Variants in CTNNA2 observed in about 807,000 individuals in gnomAD.
CTNNA2 encodes catenin alpha 2.
Under a neutral mutation model 101.0 loss-of-function variants are expected in CTNNA2, and 42 were observed. The observed-to-expected ratio is 0.42, with a 90% CI of 0.32 to 0.54. The LOEUF is 0.54. CTNNA2 is among the 20% of genes least tolerant of loss of function. CTNNA2 has a pLI of 0.14. For missense variants in CTNNA2, 871 were observed against 1,223.1 expected (o/e 0.71, Z 4.29); for synonymous variants, 450 against 456.4 (o/e 0.99, Z 0.18).
Position 79,815,373 on chromosome 2 carries a change from A to G in CTNNA2, c.299-42640A>G, listed in dbSNP as rs759046254. Among the ~76,000 whole-genome samples, 7 of 152,272 alleles carry G rather than the reference A, an allele frequency of 4.6e-5. No homozygotes were observed. The East Asian group carries it at 7.7e-4, about 17-fold the overall frequency. On this transcript the variant is annotated intron_variant, in intron 3 of 18. Transcript: ENST00000402739. ...GCCAATGTCTAGGAGGGTTTTTTCAATGTTATCATTGAGAATTTTTATAGT... is the reference window on the plus strand; with the variant it reads ...GCCAATGTCTAGGAGGGTTTTTTCAGTGTTATCATTGAGAATTTTTATAGT...
chr2:79,741,737 G>T (rs1410696495), intron 2 of CTNNA2, among the ~76,000 whole-genome samples: 2 of 151,996 alleles, frequency 1.3e-5, no homozygotes, highest in Non-Finnish European at 2.9e-5. Flanking sequence ...AGTTGGACTT[G>T]TTTGTCTTTC....
intron 3 of CTNNA2, among the ~76,000 whole-genome samples, chr2:79,811,308 T>C (rs1677015307): frequency 6.6e-6 from 1 of 152,216 alleles, no homozygotes; most frequent in Non-Finnish European, 1.5e-5. Flanking sequence ...ATGTGTCTTT[T>C]GGCTGCATAA....
At chr2:79,620,153 T>C (rs1678902530) in intron 1 of CTNNA2, among the ~76,000 whole-genome samples, 2 of 152,306 alleles carry the variant, frequency 1.3e-5, no homozygotes, top group South Asian at 4.1e-4. Flanking sequence ...TAACATTCTT[T>C]AGTTGCTGCC....
intron 2 of CTNNA2, among the ~76,000 whole-genome samples, chr2:79,217,993 C>T (rs1164209021): frequency 6.6e-6 from 1 of 152,164 alleles, no homozygotes; most frequent in Non-Finnish European, 1.5e-5. Context: ...GAATGAACAT[C>T]TACATAATAA....
Position 80,302,559 on chromosome 2 carries a change from T to C in CTNNA2, c.1057-90652T>C. ...ACCACCTTGTGGATCTGCACGGCGT[T>C]CTCGGCGTGCTCGCCGCCTGGAAGA... is the stretch of plus-strand genomic sequence containing the variant. On this transcript the variant is annotated intron_variant, in intron 7 of 18. Coordinates refer to ENST00000402739, the MANE Select transcript of CTNNA2 (RefSeq NM_001282597.3). The surrounding 1 kb of genome is among the most constrained non-coding windows in gnomAD (Gnocchi z 6.4). 1 of 1,608,750 alleles carries C rather than the reference T, an allele frequency of 6.2e-7. No individual in the cohort carries two copies. Among genetic ancestry groups the C allele is most frequent in the Non-Finnish European group, 8.5e-7 (1 of 1,179,402 alleles).
chr2:80,440,442 T>C (rs1272371027), intron 9 of CTNNA2, among the ~76,000 whole-genome samples: 1 of 152,150 alleles, frequency 6.6e-6, no homozygotes, highest in Non-Finnish European at 1.5e-5. Context: ...AATAAGTAAA[T>C]GGTGTTTCTG....
At chr2:80,616,832 G>A (rs1184043513) in intron 17 of CTNNA2, among the ~76,000 whole-genome samples, 2 of 151,584 alleles carry the variant, frequency 1.3e-5, no homozygotes, top group African/African-American at 4.8e-5. Flanking sequence ...ATATATAAAG[G>A]CATTATTATA....
intron 1 of CTNNA2, among the ~76,000 whole-genome samples, chr2:79,521,853 C>G (rs564755932): frequency 1.6e-4 from 24 of 152,174 alleles, no homozygotes; most frequent in African/African-American, 5.8e-4. Flanking sequence ...TAGCCCACAG[C>G]ATGAACTGGA....
intron 7 of CTNNA2, among the ~76,000 whole-genome samples, chr2:80,081,515 C>A (rs1699145285): frequency 6.7e-6 from 1 of 149,676 alleles, no homozygotes; most frequent in African/African-American, 2.5e-5. Context: ...TCCCTCCCTC[C>A]CTTTCTGTCT....
intron 4 of CTNNA2, among the ~76,000 whole-genome samples, chr2:79,469,728 T>C (rs1670978147): frequency 6.6e-6 from 1 of 152,020 alleles, no homozygotes; most frequent in South Asian, 2.1e-4. Flanking sequence ...GTTCAACATA[T>C]GCAAATCAAT....
At chr2:79,546,017 C>A (rs1057287766) in intron 1 of CTNNA2, among the ~76,000 whole-genome samples, 1 of 152,030 alleles carries the variant, frequency 6.6e-6, no homozygotes, top group Non-Finnish European at 1.5e-5. Context: ...AGTACCATAC[C>A]CAAGATTGCC....
chr2:79,731,856 C>A (rs1482078281), intron 2 of CTNNA2, among the ~76,000 whole-genome samples: 1 of 150,142 alleles, frequency 6.7e-6, no homozygotes, highest in Non-Finnish European at 1.5e-5. Context: ...TTTTTACCAT[C>A]AAATGCAGTT....
chr2:79,784,393 A>G (rs1674682897), intron 3 of CTNNA2, among the ~76,000 whole-genome samples: 1 of 151,504 alleles, frequency 6.6e-6, no homozygotes, highest in Non-Finnish European at 1.5e-5. Flanking sequence ...TCATGATTTT[A>G]TGTAGCAGCT....
chr2:79,697,849 G>C (rs1684741579), intron 2 of CTNNA2: 1 of 151,522 alleles, frequency 6.6e-6, no homozygotes, highest in African/African-American at 2.4e-5. Context: ...TTCATAATAA[G>C]TGGCATACCA....
chr2:80,330,503 T>C (rs199882201), intron 7 of CTNNA2, among the ~76,000 whole-genome samples: 1 of 152,096 alleles, frequency 6.6e-6, no homozygotes, highest in African/African-American at 2.4e-5. Flanking sequence ...TTTTTTCTTT[T>C]TTTTTTTTTG....
At chr2:80,218,649 T>A (rs1708408793) in intron 7 of CTNNA2, among the ~76,000 whole-genome samples, 1 of 152,194 alleles carries the variant, frequency 6.6e-6, no homozygotes, top group African/African-American at 2.4e-5. Context: ...GTCATATTGT[T>A]TACTCACAGG....
intron 1 of CTNNA2, among the ~76,000 whole-genome samples, chr2:79,647,366 G>A (rs1460930247): frequency 1.3e-5 from 2 of 152,146 alleles, no homozygotes. Context: ...ATGTTAGCAT[G>A]CTTTCTATCC....
intron 18 of CTNNA2, among the ~76,000 whole-genome samples, chr2:80,635,398 T>C (rs939979422): frequency 6.6e-6 from 1 of 152,182 alleles, no homozygotes. Context: ...TAAACTATTA[T>C]ACTAAAGACC....
intron 3 of CTNNA2, among the ~76,000 whole-genome samples, chr2:79,851,403 T>A (rs766344843): frequency 6.6e-6 from 1 of 152,234 alleles, no homozygotes; most frequent in African/African-American, 2.4e-5. Flanking sequence ...GATTCTGTTA[T>A]GTATTTTCCT....
Sources: gnomAD v4.1 joint callset for allele counts (sites outside exome capture counted in the v4.1 genomes callset) on GRCh38, gnomAD v4.1.1 for gene constraint, Gnocchi (gnomAD v3.1) non-coding constraint, MANE v1.5 for transcripts, NCBI Gene and HGNC (gene_info 2026-07-23, HGNC 2026-07-21) for gene names.